Variants in PDE10A observed in about 807,000 individuals in gnomAD.
PDE10A encodes phosphodiesterase 10A.
Under a neutral mutation model 97.7 loss-of-function variants are expected in PDE10A, and 39 were observed. The observed-to-expected ratio is 0.40, with a 90% CI of 0.31 to 0.52. The LOEUF (loss-of-function observed/expected upper bound fraction) is 0.52. Ranked by LOEUF, PDE10A falls within the 20% of genes least tolerant of loss-of-function variation. PDE10A has a pLI of 0.56. For synonymous variants in PDE10A, 371 were observed against 376.8 expected, an observed-to-expected ratio of 0.98 and a Z score of 0.18; for missense variants, 731 against 1,047.8, an observed-to-expected ratio of 0.70 and a Z score of 4.17.
chr6:165,428,204 C>G (rs1789301166), intron 10 of PDE10A, among the ~76,000 whole-genome samples: 1 of 152,056 alleles, frequency 6.6e-6, no homozygotes, highest in South Asian at 2.1e-4. Context: ...CACTAGAGAC[C>G]TAAAAGTACT....
intron 1 of PDE10A, among the ~76,000 whole-genome samples, chr6:165,967,603 A>G (rs1032049791): frequency 2.0e-5 from 3 of 152,248 alleles, no homozygotes. Flanking sequence ...CTGCATAAGG[A>G]AAAGATGATT....
rs533057763 is a variant in PDE10A at position 165,644,213 on chromosome 6, G to A, written c.865+17734C>T. Among the ~76,000 whole-genome samples, 11 of 142,964 alleles carry A rather than the reference G, an allele frequency of 7.7e-5. No homozygotes were observed. The South Asian group carries it at 2.4e-3, about 31-fold the overall frequency. The allele number at this position is 142,964 out of a possible 152,430, so 93.8% of individuals were successfully genotyped here. On this transcript the variant is annotated intron_variant, in intron 1 of 21. Coordinates refer to ENST00000539869, the MANE Select transcript of PDE10A (RefSeq NM_001385079.1). ...TGGGACTACAGGCGCCCGCCACCACGCCCCGCTAATTTTTTTTTGTATTTT... is the reference window on the plus strand; with the variant it reads ...TGGGACTACAGGCGCCCGCCACCACACCCCGCTAATTTTTTTTTGTATTTT...
At position 165,662,753 on chromosome 6, in the gene PDE10A, C is replaced by A. The variant is rs1790352660; in HGVS notation, c.59G>T (p.Gly20Val). 6.8e-6 allele frequency among the ~76,000 whole-genome samples: 1 copy of A among 148,136 alleles called. No individual in the cohort carries two copies. The highest frequency in any genetic ancestry group is 6.7e-5 in the Admixed American group (1 of 15,004). The part of the protein sequence containing the change: ...PRPQGPLPAA[G>V]DEPGCGPGKL... The stretch of plus-strand genomic sequence containing the variant: ...GCCGGGGCCGCAGCCCGGCTCGTCC[C>A]CGGCCGCTGGCAGGGGACCCTGGGG... The change falls in exon 1 of 22, where the codon GGG becomes GTG. Residue 20 changes from glycine to valine, a missense_variant. By Grantham distance (109) the Gly-to-Val change is moderately radical. This residue lies in a region of PDE10A where 181 missense variants were observed against 159.1 expected (regional missense o/e 1.14). Coordinates refer to ENST00000539869, the MANE Select transcript of PDE10A (RefSeq NM_001385079.1).
At chr6:165,704,611 T>C (rs1791662533) in intron 1 of PDE10A, among the ~76,000 whole-genome samples, 1 of 151,892 alleles carries the variant, frequency 6.6e-6, no homozygotes, top group Admixed American at 6.6e-5. Context: ...ACCATTAAAA[T>C]GAAAAGAAAA....
At chr6:165,373,276 A>G (rs367627789) in intron 18 of PDE10A, among the ~76,000 whole-genome samples, 12,310 of 151,870 alleles carry the variant, frequency 0.081, 554 homozygotes, top group Middle Eastern at 0.2. Context: ...AGAAACTACC[A>G]TCAGAGTGAA....
intron 1 of PDE10A, chr6:165,781,392 A>G (rs1256761243): frequency 1.3e-5 from 2 of 152,256 alleles, no homozygotes; most frequent in Non-Finnish European, 2.9e-5. Context: ...ATGCAAAGAG[A>G]TGTAGAGAGA....
chr6:165,943,119 G>A (rs76559975), intron 1 of PDE10A, among the ~76,000 whole-genome samples: 6,074 of 145,344 alleles, frequency 0.042, 269 homozygotes, highest in Non-Finnish European at 0.06. Flanking sequence ...GAAATCGTGC[G>A]GTGGGGCAGG....
chr6:165,582,125 C>T lies in PDE10A; in HGVS notation c.866-38557G>A, dbSNP rs1000409841. On this transcript the variant is annotated intron_variant, in intron 1 of 21. Coordinates refer to ENST00000539869, the MANE Select transcript of PDE10A (RefSeq NM_001385079.1). ...TAAATAGCATTAGTTATGCCTGACC[C>T]ACCTATTTCCCAGGGCTTTTATGAA... Among the ~76,000 whole-genome samples the T allele has an allele frequency of 3.9e-5, 6 of 152,292 alleles. No individual in the cohort carries two copies. In the South Asian group the frequency reaches 1.2e-3, roughly 32 times the overall value.
At chr6:165,752,783 C>T (rs1793037120) in intron 1 of PDE10A, among the ~76,000 whole-genome samples, 2 of 152,172 alleles carry the variant, frequency 1.3e-5, no homozygotes, top group Admixed American at 6.5e-5. Context: ...AGATTAGAAT[C>T]CCTAAGGGAG....
At chr6:165,586,780 C>T (rs930299543) in intron 1 of PDE10A, among the ~76,000 whole-genome samples, 12 of 152,206 alleles carry the variant, frequency 7.9e-5, no homozygotes, top group African/African-American at 2.6e-4. Flanking sequence ...AATACCAACT[C>T]GCTTCCTTGA....
intron 1 of PDE10A, chr6:165,986,098 C>G (rs1432723927): frequency 6.5e-6 from 1 of 152,974 alleles, no homozygotes. Context: ...TCCCCCTCCC[C>G]GCCCCCTACC....
intron 1 of PDE10A, among the ~76,000 whole-genome samples, chr6:165,648,599 C>A (rs557484628): frequency 2.0e-5 from 3 of 152,180 alleles, no homozygotes; most frequent in Middle Eastern, 3.4e-3. Context: ...AACCCAGATA[C>A]AAGAAGTCAC....
chr6:165,423,353 T>C (rs1440309390), intron 10 of PDE10A, among the ~76,000 whole-genome samples: 2 of 152,212 alleles, frequency 1.3e-5, no homozygotes, highest in African/African-American at 4.8e-5. Flanking sequence ...GAAAATCTAA[T>C]TCATTGATTC....
intron 1 of PDE10A, among the ~76,000 whole-genome samples, chr6:165,641,354 C>T (rs919328620): frequency 2.0e-5 from 3 of 152,158 alleles, no homozygotes; most frequent in African/African-American, 7.2e-5. Flanking sequence ...CATTTCTCTA[C>T]TATAAAACAA....
intron 3 of PDE10A, among the ~76,000 whole-genome samples, chr6:165,473,087 T>G (rs1052372774): frequency 2.0e-5 from 3 of 152,090 alleles, no homozygotes; most frequent in Non-Finnish European, 4.4e-5. Flanking sequence ...ACCAATAGAA[T>G]GAAAAAGTAA....
At chr6:165,844,089 T>G (rs1780338432) in intron 1 of PDE10A, among the ~76,000 whole-genome samples, 1 of 152,128 alleles carries the variant, frequency 6.6e-6, no homozygotes, top group Non-Finnish European at 1.5e-5. Context: ...GTGAGATGTA[T>G]TTTGGAAAAG....
intron 13 of PDE10A, among the ~76,000 whole-genome samples, chr6:165,408,080 A>G (rs1164581723): frequency 6.6e-6 from 1 of 152,238 alleles, no homozygotes; most frequent in African/African-American, 2.4e-5. Flanking sequence ...ATATGCCATT[A>G]CATTATCATG....
intron 10 of PDE10A, among the ~76,000 whole-genome samples, chr6:165,427,783 C>G (rs568593898): frequency 7.9e-5 from 12 of 152,204 alleles, no homozygotes; most frequent in Middle Eastern, 6.8e-3. Flanking sequence ...TAAAGCTACT[C>G]ACTGATTTAC....
intron 18 of PDE10A, among the ~76,000 whole-genome samples, chr6:165,355,306 AATG>A (rs1425688414): frequency 5.3e-5 from 8 of 152,200 alleles, no homozygotes; most frequent in African/African-American, 1.2e-4. Context: ...TGACCACACC[AATG>A]ATGACAAGTA....
Sources: allele counts gnomAD v4.1 joint callset (sites outside exome capture counted in the v4.1 genomes callset), GRCh38; gene constraint gnomAD v4.1.1; regional missense constraint gnomAD v4.1.1; transcripts MANE v1.5; gene names NCBI Gene and HGNC (gene_info 2026-07-23, HGNC 2026-07-21).